ERH: variants seen among roughly 807,000 people sequenced by gnomAD.
The protein encoded by ERH is enhancer of rudimentary homolog.
ERH carries 1 observed loss-of-function variant against 16.8 expected under a neutral mutation model. The observed-to-expected ratio is 0.06, with a 90% CI of 0.02 to 0.28. The LOEUF (loss-of-function observed/expected upper bound fraction) is 0.28, where lower values mean the gene tolerates loss of function less well. Ranked by LOEUF, ERH falls within the 10% of genes least tolerant of loss-of-function variation. The pLI, the probability that ERH is intolerant of heterozygous loss-of-function variation, is 1.00. For missense variants in ERH, 42 were observed against 127.5 expected (o/e 0.33, Z 3.23); for synonymous variants, 43 against 43.6 (o/e 0.99, Z 0.05).
intron 2 of ERH, among the ~76,000 whole-genome samples, chr14:69,394,514 C>T (rs1369163638): frequency 6.6e-6 from 1 of 152,176 alleles, no homozygotes; most frequent in Non-Finnish European, 1.5e-5. Context: ...AAGAGAATCA[C>T]TTGAACCTGG....
intron 3 of ERH, among the ~76,000 whole-genome samples, chr14:69,385,893 T>C (rs1017428196): frequency 1.3e-5 from 2 of 152,182 alleles, no homozygotes; most frequent in African/African-American, 4.8e-5. Flanking sequence ...CATTGCTCCC[T>C]GCTCCTCCAA....
chr14:69,389,351 C>T (rs145422469), intron 2 of ERH, among the ~76,000 whole-genome samples: 1 of 152,168 alleles, frequency 6.6e-6, no homozygotes, highest in African/African-American at 2.4e-5. Flanking sequence ...TGGTTAAAGA[C>T]GGGATGCTTT....
At chr14:69,384,966 T>G (rs7140358) in intron 3 of ERH, among the ~76,000 whole-genome samples, 18,711 of 152,152 alleles carry the variant, frequency 0.12, 1,375 homozygotes, top group Middle Eastern at 0.24. Context: ...TTCCAACTAC[T>G]TCAATTTCCT....
chr14:69,389,606 T>C lies in ERH; in HGVS notation c.92-2523A>G, dbSNP rs150246150. On this transcript the variant is annotated intron_variant, in intron 2 of 3. Coordinates refer to ENST00000557016, the MANE Select transcript of ERH (RefSeq NM_004450.3). ...ACAGCAAGGTTGCAGGATATAGGATTGGTATATGAAAATAAATTTTATTTC... is the reference window on the plus strand; with the variant it reads ...ACAGCAAGGTTGCAGGATATAGGATCGGTATATGAAAATAAATTTTATTTC... Among the ~76,000 whole-genome samples the C allele has an allele frequency of 3.1e-3, 477 of 152,292 alleles. 4 individuals carry two copies. Among genetic ancestry groups the C allele is most frequent in the African/African-American group, 0.011 (463 of 41,568 alleles).
intron 2 of ERH, among the ~76,000 whole-genome samples, chr14:69,392,798 A>G (rs1040586745): frequency 6.6e-6 from 1 of 152,208 alleles, no homozygotes; most frequent in Non-Finnish European, 1.5e-5. Context: ...AAAGAGAGTA[A>G]TATCGGAAAA....
chr14:69,383,362 T>C (rs766038185), intron 3 of ERH, among the ~76,000 whole-genome samples: 14 of 152,208 alleles, frequency 9.2e-5, no homozygotes, highest in Non-Finnish European at 1.9e-4. Context: ...GTCACTGCCA[T>C]GTAAATTTAA....
intron 1 of ERH, chr14:69,397,887 C>A: frequency 2.3e-6 from 1 of 431,202 alleles, no homozygotes; most frequent in Non-Finnish European, 4.2e-6. Flanking sequence ...CACTGCACTC[C>A]AGCCTGGGCG....
At chr14:69,392,431 C>A (rs1290471588) in intron 2 of ERH, among the ~76,000 whole-genome samples, 3 of 152,092 alleles carry the variant, frequency 2.0e-5, no homozygotes, top group African/African-American at 7.2e-5. Flanking sequence ...AAAAGCCACA[C>A]ACGATAATGA....
intron 3 of ERH, among the ~76,000 whole-genome samples, chr14:69,385,011 C>T (rs1341228369): frequency 6.6e-6 from 1 of 152,156 alleles, no homozygotes; most frequent in Non-Finnish European, 1.5e-5. Context: ...TCACCACTTC[C>T]TAACACTCTA....
chr14:69,395,005 T>C (rs1882301966), intron 1 of ERH, 93 bp from the exon 2 acceptor site: 1 of 853,530 alleles, frequency 1.2e-6, no homozygotes, highest in East Asian at 2.6e-5. Flanking sequence ...CAATAATGAT[T>C]GCTAGTTATT....
chr14:69,383,518 A>C (rs1157623884), intron 3 of ERH, among the ~76,000 whole-genome samples: 1 of 152,238 alleles, frequency 6.6e-6, no homozygotes, highest in African/African-American at 2.4e-5. Flanking sequence ...ATATTCAAAG[A>C]ACAAAAAGGA....
chr14:69,398,096 C>G, intron 1 of ERH, 135 bp downstream of exon 1: 2 of 1,137,050 alleles, frequency 1.8e-6, no homozygotes, highest in Non-Finnish European at 2.6e-6. Context: ...GAAGAAGGGT[C>G]AATCCACCGA....
chr14:69,380,510 C>A lies in ERH; in HGVS notation c.*28G>T. 1 of 1,176,414 alleles carries A rather than the reference C, an allele frequency of 8.5e-7. No homozygotes were observed. Among genetic ancestry groups the A allele is most frequent in the Admixed American group, 1.7e-5 (1 of 59,272 alleles). The allele number at this position is 1,176,414 out of a possible 1,614,324, so 72.9% of individuals were successfully genotyped here. A position where few individuals can be genotyped will look rare whatever the true frequency, so the allele number is the denominator to read the frequency against. Reference sequence around the variant, plus strand: ...GTACACACCTGTGTTCCAAGCCCACCCCAACCCCCCCAGTGCTTCCAACAC... The same window carrying A: ...GTACACACCTGTGTTCCAAGCCCACACCAACCCCCCCAGTGCTTCCAACAC... On this transcript the variant is annotated 3_prime_UTR_variant, in exon 4 of 4. Transcript: ENST00000557016.
rs146220105 is a variant in ERH at position 69,388,351 on chromosome 14, A to C, written c.92-1268T>G. ...TATATTATCTATTTAGTTTTTATTCAATAATACTCTCCTTTTTTTTTTCTT... is the reference window on the plus strand; with the variant it reads ...TATATTATCTATTTAGTTTTTATTCCATAATACTCTCCTTTTTTTTTTCTT... On this transcript the variant is annotated intron_variant, in intron 2 of 3. Transcript: ENST00000557016. 3.1e-3 allele frequency among the ~76,000 whole-genome samples: 469 copies of C among 152,180 alleles called. 4 individuals are homozygous for C. The highest frequency in any genetic ancestry group is 0.011 in the African/African-American group (456 of 41,526).
At chr14:69,380,855 A>C (rs2045858972) in intron 3 of ERH, among the ~76,000 whole-genome samples, 1 of 152,260 alleles carries the variant, frequency 6.6e-6, no homozygotes, top group South Asian at 2.1e-4. Context: ...AAAAGAAAAC[A>C]TGACTTAGAA....
At chr14:69,391,344 T>C (rs1396858971) in intron 2 of ERH, among the ~76,000 whole-genome samples, 1 of 151,810 alleles carries the variant, frequency 6.6e-6, no homozygotes, top group African/African-American at 2.4e-5. Context: ...GTAAGAACCA[T>C]AAAAGCATAC....
chr14:69,383,486 A>G (rs1468589275), intron 3 of ERH, among the ~76,000 whole-genome samples: 1 of 152,250 alleles, frequency 6.6e-6, no homozygotes, highest in East Asian at 1.9e-4. Flanking sequence ...CCTCTTTGGA[A>G]ACAATACCTT....
At chr14:69,389,828 G>C (rs1181651343) in intron 2 of ERH, among the ~76,000 whole-genome samples, 1 of 152,096 alleles carries the variant, frequency 6.6e-6, no homozygotes, top group African/African-American at 2.4e-5. Context: ...CTGGAGTGCA[G>C]TGGCCCAATT....
rs754589731 is a variant in ERH at position 69,398,275 on chromosome 14, G to A, written c.-42C>T. The A allele has an allele frequency of 2.5e-6, 4 of 1,613,626 alleles. No individual in the cohort carries two copies. In the South Asian group the frequency reaches 4.4e-5, roughly 18 times the overall value. ...CGCTACAGCAGCTGCCGACACCGCC[G>A]CCGTTACACGAGCTTAACTACAACG... is the stretch of plus-strand genomic sequence containing the variant. On this transcript the variant is annotated 5_prime_UTR_variant, in exon 1 of 4. Transcript: ENST00000557016.
Sources: allele counts gnomAD v4.1 joint callset (sites outside exome capture counted in the v4.1 genomes callset), GRCh38; gene constraint gnomAD v4.1.1; transcripts MANE v1.5; gene names NCBI Gene and HGNC (gene_info 2026-07-23, HGNC 2026-07-21).